The following CTNNAL1 variants were observed in gnomAD, a reference collection of about 807,000 sequenced individuals.
The protein encoded by CTNNAL1 is catenin alpha like 1.
Under a neutral mutation model 93.6 loss-of-function variants are expected in CTNNAL1, and 69 were observed. The ratio of observed to expected loss-of-function variants is 0.74; its 90% CI spans 0.61 to 0.90. The LOEUF is 0.90. Among genes scored for constraint, CTNNAL1 ranks in the 40% least tolerant of loss-of-function variants. The pLI is 0.00. For missense variants in CTNNAL1, 836 were observed against 862.0 expected (o/e 0.97, Z 0.38); for synonymous variants, 286 against 305.4 (o/e 0.94, Z 0.66).
chr9:108,943,071 A>T (rs978203980), intron 17 of CTNNAL1, 27 bp from the exon 18 acceptor site: 2 of 1,580,048 alleles, frequency 1.3e-6, no homozygotes, highest in Non-Finnish European at 8.6e-7. Context: ...CATGCAAATG[A>T]TATTCTAAAA....
chr9:108,972,863 G>GCCCCCC, intron 8 of CTNNAL1, 30 bp from the exon 9 acceptor site: 6 of 231,678 alleles, frequency 2.6e-5, no homozygotes, highest in Non-Finnish European at 4.3e-5. Flanking sequence ...TGGGGGGGTG[G>GCCCCCC]GAGGGTGGAG....
At chr9:109,013,249 A>T in intron 1 of CTNNAL1, 53 bp downstream of exon 1, 4 of 1,428,450 alleles carry the variant, frequency 2.8e-6, no homozygotes, top group Non-Finnish European at 3.7e-6. Context: ...GGCGGCCGCC[A>T]TCGCGGGCCG....
In CTNNAL1 at chr9:108,983,327, T is replaced by C. The variant is rs372199763; in HGVS notation, c.730-12A>G. 12 of 1,466,774 alleles carry C rather than the reference T, an allele frequency of 8.2e-6. No individual in the cohort carries two copies. Among genetic ancestry groups the C allele is most frequent in the African/African-American group, 1.5e-5 (1 of 68,518 alleles). The allele number at this position is 1,466,774 out of a possible 1,614,324, so 90.9% of individuals were successfully genotyped here. On this transcript the variant is annotated splice_polypyrimidine_tract_variant and intron_variant, in intron 5 of 18. Transcript: ENST00000325551. ...TGCCTCAGACATGTCTTCAAAACAA[T>C]TGAAAATTTTTATTTTAATATTTGA...
chr9:108,984,137 A>G (rs560873676), intron 5 of CTNNAL1, among the ~76,000 whole-genome samples: 1 of 152,354 alleles, frequency 6.6e-6, no homozygotes, highest in East Asian at 1.9e-4. Flanking sequence ...TGAGCTGTTC[A>G]ATCAAAGCTG....
chr9:109,001,760 A>C (rs1826837394), intron 1 of CTNNAL1, among the ~76,000 whole-genome samples: 1 of 152,214 alleles, frequency 6.6e-6, no homozygotes, highest in Middle Eastern at 3.2e-3. Flanking sequence ...GGATTACTGC[A>C]GGCTTGGTCA....
chr9:108,977,250 A>G, intron 7 of CTNNAL1: 1 of 332,158 alleles, frequency 3.0e-6, no homozygotes, highest in East Asian at 4.8e-5. Context: ...AACTACAAAT[A>G]GATGAACTTC....
intron 11 of CTNNAL1, among the ~76,000 whole-genome samples, chr9:108,956,155 CT>C (rs1181219982): frequency 9.8e-5 from 15 of 152,294 alleles, no homozygotes; most frequent in African/African-American, 3.6e-4. Context: ...AGCAGTTTGC[CT>C]CTAATGAAAC....
intron 5 of CTNNAL1, among the ~76,000 whole-genome samples, chr9:108,983,551 T>C (rs1831504757): frequency 6.6e-6 from 1 of 152,166 alleles, no homozygotes; most frequent in African/African-American, 2.4e-5. Context: ...CAACAGTAAG[T>C]TTACTTAAAA....
chr9:108,953,129 T>C (rs1219393160), intron 12 of CTNNAL1, among the ~76,000 whole-genome samples: 1 of 152,182 alleles, frequency 6.6e-6, no homozygotes, highest in African/African-American at 2.4e-5. Context: ...AAAGAGAAAG[T>C]TTGTTTTCAT....
At chr9:108,974,783 C>T (rs959395240) in intron 8 of CTNNAL1, among the ~76,000 whole-genome samples, 4 of 152,174 alleles carry the variant, frequency 2.6e-5, no homozygotes, top group Non-Finnish European at 5.9e-5. Context: ...GCCATGTTCA[C>T]ACCATTGTCT....
At chr9:109,011,371 G>GAA (rs72043132) in intron 1 of CTNNAL1, among the ~76,000 whole-genome samples, 14 of 136,966 alleles carry the variant, frequency 1.0e-4, no homozygotes, top group Admixed American at 7.3e-4. Flanking sequence ...ACTGGAAAAA[G>GAA]AAAAAAAAAA....
At chr9:108,983,579 C>T (rs990514530) in intron 5 of CTNNAL1, among the ~76,000 whole-genome samples, 4 of 152,156 alleles carry the variant, frequency 2.6e-5, no homozygotes, top group Non-Finnish European at 4.4e-5. Context: ...AGGAAAAAAT[C>T]TCTTTTCATC....
intron 14 of CTNNAL1, among the ~76,000 whole-genome samples, 175 bp from the exon 15 acceptor site, chr9:108,948,409 A>G (rs548689781): frequency 1.3e-5 from 2 of 152,320 alleles, no homozygotes; most frequent in South Asian, 4.1e-4. Context: ...ATATTTGACA[A>G]TTATTTATTA....
At chr9:109,006,548 A>G (rs1264323117) in intron 1 of CTNNAL1, among the ~76,000 whole-genome samples, 1 of 152,230 alleles carries the variant, frequency 6.6e-6, no homozygotes, top group Non-Finnish European at 1.5e-5. Context: ...TGCCAAATAC[A>G]ATCTTAACTA....
chr9:108,945,763 T>C (rs1384447468), intron 15 of CTNNAL1, among the ~76,000 whole-genome samples: 3 of 152,024 alleles, frequency 2.0e-5, no homozygotes, highest in Non-Finnish European at 4.4e-5. Context: ...GAGTGAGCCA[T>C]TGTGCCCAGA....
At chr9:108,971,847 C>T (rs952463515) in intron 9 of CTNNAL1, among the ~76,000 whole-genome samples, 3 of 152,120 alleles carry the variant, frequency 2.0e-5, no homozygotes, top group Admixed American at 6.5e-5. Context: ...GGAATTATAA[C>T]ACAAGTATCA....
At chr9:108,985,860 G>A (rs895489370) in intron 4 of CTNNAL1, among the ~76,000 whole-genome samples, 5 of 152,000 alleles carry the variant, frequency 3.3e-5, no homozygotes, top group African/African-American at 4.8e-5. Context: ...GATAACAAGC[G>A]ACAGAAAAAG....
chr9:108,978,551 C>A (rs1353098543), intron 7 of CTNNAL1, among the ~76,000 whole-genome samples: 1 of 152,196 alleles, frequency 6.6e-6, no homozygotes, highest in Non-Finnish European at 1.5e-5. Context: ...ATAAATAATG[C>A]TAGAGACATG....
chr9:108,955,915 C>G (rs544211773), intron 11 of CTNNAL1, 88 bp from the exon 12 acceptor site: 4 of 789,028 alleles, frequency 5.1e-6, no homozygotes, highest in African/African-American at 3.6e-5. Flanking sequence ...ATTAATTAAA[C>G]AAACAGGAAT....
Sources: allele counts gnomAD v4.1 joint callset (sites outside exome capture counted in the v4.1 genomes callset), GRCh38; gene constraint gnomAD v4.1.1; transcripts MANE v1.5; gene names NCBI Gene and HGNC (gene_info 2026-07-23, HGNC 2026-07-21).